ZCCHC24: variants seen among roughly 807,000 people sequenced by gnomAD.
ZCCHC24 encodes the protein zinc finger CCHC-type containing 24.
In ZCCHC24, 10 loss-of-function variants were observed where a neutral mutation model predicts 26.2. That is an observed-to-expected ratio of 0.38 (90% CI 0.24 to 0.65). The LOEUF (loss-of-function observed/expected upper bound fraction) is 0.65, where lower values mean the gene tolerates loss of function less well. ZCCHC24 is among the 30% of genes least tolerant of loss of function. ZCCHC24 has a pLI of 0.54. For synonymous variants in ZCCHC24, 144 were observed against 147.1 expected (o/e 0.98, Z 0.15); for missense variants, 243 against 329.1 (o/e 0.74, Z 2.03).
chr10:79,435,480 C>A (rs1381267982), intron 1 of ZCCHC24, among the ~76,000 whole-genome samples: 2 of 152,238 alleles, frequency 1.3e-5, no homozygotes, highest in Non-Finnish European at 1.5e-5. Context: ...AGGGCCGCAG[C>A]CTTGCCCCTG....
chr10:79,438,374 A>G (rs1017287237), intron 1 of ZCCHC24, among the ~76,000 whole-genome samples: 1 of 152,206 alleles, frequency 6.6e-6, no homozygotes, highest in African/African-American at 2.4e-5. Flanking sequence ...TGTCCGATAT[A>G]TACAGAGGTG....
chr10:79,445,140 A>ACTGTGGGG (rs1554843357), intron 1 of ZCCHC24, 55 bp downstream of exon 1: 43 of 1,099,252 alleles, frequency 3.9e-5, no homozygotes, highest in Non-Finnish European at 4.7e-5. Flanking sequence ...ACGGCCCGCC[A>ACTGTGGGG]CGGTGGGGCG....
rs532123996 is a variant in ZCCHC24 at position 79,439,220 on chromosome 10, G to C, written c.246+5975C>G. ...CTAGTTGTCTTCAGATTCTCAAAGA[G>C]GTCCCTAACCAAAGAAGGTCAAGGA... On this transcript the variant is annotated intron_variant, in intron 1 of 3. Transcript: ENST00000372336. 2.6e-5 allele frequency among the ~76,000 whole-genome samples: 4 copies of C among 152,316 alleles called. No individual in the cohort carries two copies. The South Asian group carries it at 8.3e-4, about 32-fold the overall frequency.
chr10:79,433,722 G>A (rs1309628137), intron 1 of ZCCHC24, among the ~76,000 whole-genome samples: 5 of 152,172 alleles, frequency 3.3e-5, no homozygotes, highest in Non-Finnish European at 5.9e-5. Flanking sequence ...GCGGACCTTG[G>A]GGGGCCTTGT....
rs1222825064 is a variant in ZCCHC24 at position 79,445,140 on chromosome 10, A to ACGGTGGGGCGGTGGGGCGGTGGGG, written c.246+31_246+54dup. On this transcript the variant is annotated intron_variant, in intron 1 of 3. Transcript: ENST00000372336. Reference sequence around the variant, plus strand: ...CGGGTCAGACAGGGAACGGCCCGCCACGGTGGGGCGGTGGGGCGGTGGGGC... The same window carrying ACGGTGGGGCGGTGGGGCGGTGGGG: ...CGGGTCAGACAGGGAACGGCCCGCCACGGTGGGGCGGTGGGGCGGTGGGGCGGTGGGGCGGTGGGGCGGTGGGGC... 1.3e-4 allele frequency: 139 copies of ACGGTGGGGCGGTGGGGCGGTGGGG among 1,099,268 alleles called. 1 individual carries two copies. In the African/African-American group the frequency reaches 2.1e-3, roughly 17 times the overall value. The allele number at this position is 1,099,268 out of a possible 1,614,324, so 68.1% of individuals were successfully genotyped here.
chr10:79,441,886 C>T lies in ZCCHC24; in HGVS notation c.246+3309G>A, dbSNP rs1195433089. Reference sequence around the variant, plus strand: ...ACATCTCCCTGGAGGCTGGAGGGTACAGGGACTACCTGGCAGGGGCTCTGG... The same window carrying T: ...ACATCTCCCTGGAGGCTGGAGGGTATAGGGACTACCTGGCAGGGGCTCTGG... On this transcript the variant is annotated intron_variant, in intron 1 of 3. Transcript: ENST00000372336. Among the ~76,000 whole-genome samples the T allele has an allele frequency of 3.9e-5, 6 of 152,202 alleles. No homozygotes were observed. In the East Asian group the frequency reaches 9.6e-4, roughly 24 times the overall value.
At chr10:79,403,720 C>G (rs1464523509) in intron 2 of ZCCHC24, among the ~76,000 whole-genome samples, 1 of 152,188 alleles carries the variant, frequency 6.6e-6, no homozygotes, top group African/African-American at 2.4e-5. Flanking sequence ...CCCAGAAGGC[C>G]TGGCCTCTTG....
rs1185866179 is a variant in ZCCHC24, at chr10:79,383,584, TTTTG to T, written c.*2757_*2760del. The T allele has an allele frequency of 5.2e-5, 8 of 152,484 alleles. No individual in the cohort carries two copies. The East Asian group carries it at 1.3e-3, about 25-fold the overall frequency. The allele number at this position is 152,484 out of a possible 1,614,324, so 9.4% of individuals were successfully genotyped here. ...TCTGAAATTTTGAAAATGCCTCTCT[TTTTG>T]TTTGTTTTAATCTCAAAAATCAAAC... On this transcript the variant is annotated 3_prime_UTR_variant, in exon 4 of 4. Coordinates refer to ENST00000372336, the MANE Select transcript of ZCCHC24 (RefSeq NM_153367.4).
At chr10:79,444,033 C>T (rs1857323705) in intron 1 of ZCCHC24, 1 of 1,479,794 alleles carries the variant, frequency 6.8e-7, no homozygotes, top group South Asian at 1.3e-5. Flanking sequence ...CTCTTACCCC[C>T]AGCACACCCT....
At chr10:79,428,431 AATTTCAGTTTTGCAAG>A (rs1238641265) in intron 2 of ZCCHC24, among the ~76,000 whole-genome samples, 1 of 37,554 alleles carries the variant, frequency 2.7e-5, no homozygotes, top group Non-Finnish European at 5.7e-5. Context: ...TTGCAAGATA[AATTTCAGTTTTGCAAG>A]ATAAATTTCA....
rs117724208 is a variant in ZCCHC24, at chr10:79,422,148, C to G, written c.447+10410G>C. On this transcript the variant is annotated intron_variant, in intron 2 of 3. Transcript: ENST00000372336. ...TAGGTCCCCCAGCTGGCCCACCATACCCCTCATCCTCTATCCCTATGCCAC... is the reference window on the plus strand; with the variant it reads ...TAGGTCCCCCAGCTGGCCCACCATAGCCCTCATCCTCTATCCCTATGCCAC... Among the ~76,000 whole-genome samples the G allele has an allele frequency of 7.4e-3, 1,123 of 152,114 alleles. 9 individuals carry two copies. The highest frequency in any genetic ancestry group is 0.014 in the Middle Eastern group (4 of 294).
intron 2 of ZCCHC24, among the ~76,000 whole-genome samples, chr10:79,402,618 G>A (rs1589663582): frequency 6.6e-6 from 1 of 152,306 alleles, no homozygotes; most frequent in South Asian, 2.1e-4. Flanking sequence ...GGCTGCTCTG[G>A]TGGAGCTGGA....
At chr10:79,423,581 C>CTATATATATATTTATATATATATATATA in intron 2 of ZCCHC24, among the ~76,000 whole-genome samples, 11 of 53,764 alleles carry the variant, frequency 2.0e-4, no homozygotes, top group African/African-American at 8.4e-4. Flanking sequence ...AATATATATA[C>CTATATATATATTTATATATATATATATA]TATATATATA....
rs1856338692 is a variant in ZCCHC24, at chr10:79,382,704, A to C, written c.*3641T>G. On this transcript the variant is annotated 3_prime_UTR_variant, in exon 4 of 4. Coordinates refer to ENST00000372336, the MANE Select transcript of ZCCHC24 (RefSeq NM_153367.4). ...TAGTCGTTGGACTGAGCTACAATGT[A>C]GTGAGGTTGGATTAAATATTCGTTT... The C allele has an allele frequency of 6.5e-6, 1 of 152,820 alleles. No homozygotes were observed. Among genetic ancestry groups the C allele is most frequent in the Non-Finnish European group, 1.5e-5 (1 of 68,048 alleles). The allele number at this position is 152,820 out of a possible 1,614,324, so 9.5% of individuals were successfully genotyped here.
rs567331675 is a variant in ZCCHC24 at position 79,383,363 on chromosome 10, A to G, written c.*2982T>C. Reference sequence around the variant, plus strand: ...TCATATAATATTCTATGTAGACAATATTTCCTTCTGAATGTAGTTCAGTTG... The same window carrying G: ...TCATATAATATTCTATGTAGACAATGTTTCCTTCTGAATGTAGTTCAGTTG... On this transcript the variant is annotated 3_prime_UTR_variant, in exon 4 of 4. Transcript: ENST00000372336. The G allele has an allele frequency of 3.3e-5, 5 of 152,804 alleles. No homozygotes were observed. The highest frequency in any genetic ancestry group is 7.4e-5 in the Non-Finnish European group (5 of 68,026). The allele number at this position is 152,804 out of a possible 1,614,324, so 9.5% of individuals were successfully genotyped here. A position where few individuals can be genotyped will look rare whatever the true frequency, so the allele number is the denominator to read the frequency against.
chr10:79,410,778 G>A (rs1856779879), intron 2 of ZCCHC24, among the ~76,000 whole-genome samples: 1 of 151,960 alleles, frequency 6.6e-6, no homozygotes, highest in Admixed American at 6.6e-5. Context: ...CACATTGCTG[G>A]GGAGAGGTGG....
intron 2 of ZCCHC24, among the ~76,000 whole-genome samples, chr10:79,431,012 CAT>C (rs1434200555): frequency 2.0e-5 from 3 of 152,348 alleles, no homozygotes; most frequent in South Asian, 2.1e-4. Context: ...GCACTTAACA[CAT>C]AGAGTAGTTT....
chr10:79,426,559 G>A (rs1857030982), intron 2 of ZCCHC24, among the ~76,000 whole-genome samples: 1 of 152,146 alleles, frequency 6.6e-6, no homozygotes, highest in African/African-American at 2.4e-5. Flanking sequence ...GGAGCGAATA[G>A]AGCTACATAG....
chr10:79,434,287 C>G (rs990553700), intron 1 of ZCCHC24, among the ~76,000 whole-genome samples: 6 of 152,200 alleles, frequency 3.9e-5, no homozygotes, highest in African/African-American at 1.4e-4. Context: ...CTGGCCCGAC[C>G]ACCAAATCCA....
Sources: gnomAD v4.1 joint callset for allele counts (sites outside exome capture counted in the v4.1 genomes callset) on GRCh38, gnomAD v4.1.1 for gene constraint, MANE v1.5 for transcripts, NCBI Gene and HGNC (gene_info 2026-07-23, HGNC 2026-07-21) for gene names.